MAGI2: variants seen among roughly 807,000 people sequenced by gnomAD.
MAGI2 encodes membrane associated guanylate kinase, WW and PDZ domain containing 2.
In MAGI2, 35 loss-of-function variants were observed where a neutral mutation model predicts 133.3. The ratio of observed to expected loss-of-function variants is 0.26; its 90% CI spans 0.20 to 0.35. The LOEUF is 0.35. Ranked by LOEUF, MAGI2 falls within the 10% of genes least tolerant of loss-of-function variation. The pLI is 1.00. For synonymous variants in MAGI2, 729 were observed against 710.6 expected, an observed-to-expected ratio of 1.03 and a Z score of -0.41; for missense variants, 1,636 against 1,863.4, an observed-to-expected ratio of 0.88 and a Z score of 2.25.
At chr7:78,188,855 G>A (rs1827943753) in intron 12 of MAGI2, among the ~76,000 whole-genome samples, 1 of 152,146 alleles carries the variant, frequency 6.6e-6, no homozygotes, top group African/African-American at 2.4e-5. Flanking sequence ...AATTACGTGG[G>A]AAAAGGAGAC....
At chr7:79,351,666 T>G (rs1341326322) in intron 1 of MAGI2, 1 of 152,286 alleles carries the variant, frequency 6.6e-6, no homozygotes, top group South Asian at 2.1e-4. Flanking sequence ...ATGTACAAAA[T>G]TATTACAATT....
In MAGI2 at chr7:78,235,402, C is replaced by T. The variant is rs542944153; in HGVS notation, c.2047+20541G>A. ...TTGATGTGGTTTGGCTGTGTCCCCA[C>T]CCAAGTCTCATCTTGAACTGTAGTT... On this transcript the variant is annotated intron_variant, in intron 10 of 21. Transcript: ENST00000354212. Among the ~76,000 whole-genome samples the T allele has an allele frequency of 5.3e-5, 8 of 152,334 alleles. No individual in the cohort carries two copies. In the South Asian group the frequency reaches 1.7e-3, roughly 32 times the overall value.
At chr7:78,809,729 A>G (rs59865626) in intron 2 of MAGI2, among the ~76,000 whole-genome samples, 2,473 of 152,248 alleles carry the variant, frequency 0.016, 67 homozygotes, top group African/African-American at 0.056. Context: ...AAATATATTG[A>G]TGGTTTTTTT....
chr7:78,118,658 T>A (rs1013129579), intron 20 of MAGI2, among the ~76,000 whole-genome samples: 5 of 152,186 alleles, frequency 3.3e-5, no homozygotes, highest in Non-Finnish European at 7.4e-5. Context: ...GAGATACCAC[T>A]GCATGCCTAT....
chr7:78,594,367 C>T (rs1187758139), intron 3 of MAGI2, among the ~76,000 whole-genome samples: 1 of 152,182 alleles, frequency 6.6e-6, no homozygotes, highest in East Asian at 1.9e-4. Flanking sequence ...TGACTTTATA[C>T]AAAGGCTGGA....
intron 1 of MAGI2, among the ~76,000 whole-genome samples, chr7:79,193,512 C>T (rs1827837447): frequency 6.6e-6 from 1 of 151,808 alleles, no homozygotes; most frequent in Non-Finnish European, 1.5e-5. Flanking sequence ...TTTAGCCATT[C>T]TACATACAAG....
At chr7:79,322,869 A>G (rs1411237701) in intron 1 of MAGI2, among the ~76,000 whole-genome samples, 1 of 152,110 alleles carries the variant, frequency 6.6e-6, no homozygotes, top group African/African-American at 2.4e-5. Context: ...ATTGTGCATT[A>G]AGTGTTACCA....
intron 1 of MAGI2, among the ~76,000 whole-genome samples, chr7:79,239,337 C>T (rs956305599): frequency 2.2e-4 from 34 of 152,068 alleles, no homozygotes; most frequent in African/African-American, 7.7e-4. Flanking sequence ...AAGACTCGAC[C>T]TCATAGTTCA....
rs954590778 is a variant in MAGI2 at position 78,537,043 on chromosome 7, G to A, written c.539-15398C>T. Among the ~76,000 whole-genome samples the A allele has an allele frequency of 2.6e-5, 4 of 151,990 alleles. 1 individual carries two copies. The highest frequency in any genetic ancestry group is 5.9e-5 in the Non-Finnish European group (4 of 68,016). On this transcript the variant is annotated intron_variant, in intron 3 of 21. Coordinates refer to ENST00000354212, the MANE Select transcript of MAGI2 (RefSeq NM_012301.4). ...CTCATAGCTTAGCTCCCACTCATAA[G>A]TGAGAACATACAATGTTTAGTTTTC...
intron 1 of MAGI2, among the ~76,000 whole-genome samples, chr7:79,406,794 T>C (rs186421103): frequency 5.9e-5 from 9 of 152,288 alleles, no homozygotes; most frequent in African/African-American, 1.9e-4. Flanking sequence ...AAATGAACCT[T>C]ATTTAGACTT....
chr7:78,967,012 A>C lies in MAGI2; in HGVS notation c.418+40078T>G, dbSNP rs570915625. 2.0e-5 allele frequency among the ~76,000 whole-genome samples: 3 copies of C among 151,842 alleles called. No individual in the cohort carries two copies. In the South Asian group the frequency reaches 6.2e-4, roughly 32 times the overall value. On this transcript the variant is annotated intron_variant, in intron 2 of 21. Coordinates refer to ENST00000354212, the MANE Select transcript of MAGI2 (RefSeq NM_012301.4). Reference sequence around the variant, plus strand: ...CAGGCTGGAGTGCAGTGGTACGATCATTGCAGGCTTGAACTCCTGGGATTA... The same window carrying C: ...CAGGCTGGAGTGCAGTGGTACGATCCTTGCAGGCTTGAACTCCTGGGATTA...
At chr7:78,753,443 C>T (rs1178580886) in intron 2 of MAGI2, among the ~76,000 whole-genome samples, 1 of 151,806 alleles carries the variant, frequency 6.6e-6, no homozygotes, top group Non-Finnish European at 1.5e-5. Flanking sequence ...AAGAAATAAA[C>T]AGCACCTCTG....
At chr7:78,047,639 A>C (rs1442911757) in intron 21 of MAGI2, among the ~76,000 whole-genome samples, 1 of 152,124 alleles carries the variant, frequency 6.6e-6, no homozygotes, top group Non-Finnish European at 1.5e-5. Flanking sequence ...CTCACCTGCA[A>C]CACTGCCATG....
intron 6 of MAGI2, among the ~76,000 whole-genome samples, chr7:78,481,163 A>G (rs1792330040): frequency 6.6e-6 from 1 of 151,964 alleles, no homozygotes; most frequent in African/African-American, 2.4e-5. Flanking sequence ...CTGTTCTCAC[A>G]CTGCTATAAC....
At chr7:78,446,154 A>T (rs1243550649) in intron 6 of MAGI2, among the ~76,000 whole-genome samples, 3 of 69,880 alleles carry the variant, frequency 4.3e-5, no homozygotes, top group African/African-American at 1.0e-4. Context: ...TATATGTTTA[A>T]CTTATTTTTT....
At chr7:79,257,131 A>G (rs945481117) in intron 1 of MAGI2, among the ~76,000 whole-genome samples, 2 of 152,138 alleles carry the variant, frequency 1.3e-5, no homozygotes, top group East Asian at 3.9e-4. Context: ...AACATCATAC[A>G]TGATAAATAC....
intron 2 of MAGI2, among the ~76,000 whole-genome samples, chr7:78,984,643 C>T (rs1805080125): frequency 6.6e-6 from 1 of 151,820 alleles, no homozygotes; most frequent in Admixed American, 6.6e-5. Context: ...GTGATACCTT[C>T]CCTGACAGTC....
At chr7:78,635,315 T>C (rs142767378) in intron 2 of MAGI2, among the ~76,000 whole-genome samples, 204 of 152,350 alleles carry the variant, frequency 1.3e-3, no homozygotes, top group African/African-American at 4.8e-3. Flanking sequence ...AGGGCATTTG[T>C]GGTAAATATA....
chr7:79,314,010 G>T (rs1488035954), intron 1 of MAGI2, among the ~76,000 whole-genome samples: 2 of 151,936 alleles, frequency 1.3e-5, no homozygotes, highest in Admixed American at 6.6e-5. Context: ...TCTTGCTCTT[G>T]TTGCCCAGGC....
Sources: allele counts gnomAD v4.1 joint callset (sites outside exome capture counted in the v4.1 genomes callset), GRCh38; gene constraint gnomAD v4.1.1; transcripts MANE v1.5; gene names NCBI Gene and HGNC (gene_info 2026-07-23, HGNC 2026-07-21).